Variants in STIP1 observed in about 807,000 individuals in gnomAD.
The protein encoded by STIP1 is stress-induced-phosphoprotein 1.
A neutral mutation model predicts 77.4 loss-of-function variants in STIP1; 16 were observed. The observed-to-expected ratio is 0.21, with a 90% CI of 0.14 to 0.31. The LOEUF (loss-of-function observed/expected upper bound fraction) is 0.31. Ranked by LOEUF, STIP1 falls within the 10% of genes least tolerant of loss-of-function variation. The pLI, the probability that STIP1 is intolerant of heterozygous loss-of-function variation, is 1.00. For missense variants in STIP1, 524 were observed against 684.8 expected, an observed-to-expected ratio of 0.77 and a Z score of 2.62; for synonymous variants, 258 against 246.6, an observed-to-expected ratio of 1.05 and a Z score of -0.44.
intron 1 of STIP1, among the ~76,000 whole-genome samples, chr11:64,188,618 C>T (rs1007443655): frequency 3.4e-4 from 51 of 152,172 alleles, no homozygotes; most frequent in African/African-American, 1.1e-3. Flanking sequence ...CTCAAGCAAT[C>T]CTCTAGCCTT....
At position 64,204,245 on chromosome 11, in the gene STIP1, T is replaced by C. The variant is rs1565285034; in HGVS notation, c.*119T>C. On this transcript the variant is annotated 3_prime_UTR_variant, in exon 14 of 14. Transcript: ENST00000305218. ...AGAAGGCCTCATCTCTCTATATTTA[T>C]ACATAACCCCGGGGAAGACACAGAG... The C allele has an allele frequency of 2.5e-5, 25 of 1,005,062 alleles. No individual in the cohort carries two copies. The highest frequency in any genetic ancestry group is 3.7e-5 in the Non-Finnish European group (25 of 675,714). The allele number at this position is 1,005,062 out of a possible 1,614,324, so 62.3% of individuals were successfully genotyped here. A position where few individuals can be genotyped will look rare whatever the true frequency, so the allele number is the denominator to read the frequency against.
At chr11:64,192,851 G>C (rs1946107656) in intron 1 of STIP1, among the ~76,000 whole-genome samples, 1 of 152,216 alleles carries the variant, frequency 6.6e-6, no homozygotes. Context: ...CGTCACATGG[G>C]GGCCAGCGTG....
chr11:64,186,329 GCCGCGGTA>G, intron 1 of STIP1, 59 bp downstream of exon 1: 2 of 502,152 alleles, frequency 4.0e-6, no homozygotes, highest in South Asian at 3.4e-5. Flanking sequence ...CGGTGGCCAG[GCCGCGGTA>G]GGGGGGCGGG....
At chr11:64,192,143 G>A (rs530496663) in intron 1 of STIP1, among the ~76,000 whole-genome samples, 10 of 152,244 alleles carry the variant, frequency 6.6e-5, no homozygotes, top group South Asian at 4.1e-4. Context: ...GTGAAACCCC[G>A]TCTCTACTAA....
chr11:64,190,736 TGTG>T (rs1380105095), intron 1 of STIP1, among the ~76,000 whole-genome samples: 1 of 152,206 alleles, frequency 6.6e-6, no homozygotes, highest in East Asian at 1.9e-4. Flanking sequence ...TTTGGCCTGG[TGTG>T]GTGGTTCACC....
At chr11:64,198,234 A>C (rs536972050) in intron 8 of STIP1, among the ~76,000 whole-genome samples, 3 of 149,498 alleles carry the variant, frequency 2.0e-5, no homozygotes, top group Admixed American at 2.0e-4. Context: ...TTTTTTTTTG[A>C]GATGGAGTCT....
intron 10 of STIP1, among the ~76,000 whole-genome samples, chr11:64,201,074 C>T (rs960441872): frequency 4.0e-5 from 6 of 150,968 alleles, no homozygotes; most frequent in African/African-American, 1.5e-4. Flanking sequence ...CTGGCTCTAT[C>T]GCCCAGGCTG....
At chr11:64,189,409 C>G (rs551732940) in intron 1 of STIP1, among the ~76,000 whole-genome samples, 5 of 152,248 alleles carry the variant, frequency 3.3e-5, no homozygotes, top group East Asian at 1.9e-4. Context: ...CGCCTGTGGT[C>G]CCAGCTACGT....
intron 1 of STIP1, among the ~76,000 whole-genome samples, chr11:64,186,673 C>T (rs528118946): frequency 6.6e-6 from 1 of 152,234 alleles, no homozygotes. Flanking sequence ...CGAGGTAGCC[C>T]TCCGGGAGAT....
intron 1 of STIP1, among the ~76,000 whole-genome samples, chr11:64,191,055 T>C (rs542625437): frequency 5.9e-5 from 9 of 152,068 alleles, no homozygotes; most frequent in Non-Finnish European, 1.0e-4. Context: ...GATGTGGTAG[T>C]GCGTGTCTGT....
intron 1 of STIP1, among the ~76,000 whole-genome samples, chr11:64,189,243 C>T (rs778137940): frequency 6.6e-6 from 1 of 152,172 alleles, no homozygotes; most frequent in African/African-American, 2.4e-5. Flanking sequence ...CGCCTGTAGT[C>T]CCGGCTACTT....
chr11:64,196,789 A>G, intron 5 of STIP1: 2 of 158,478 alleles, frequency 1.3e-5, no homozygotes, highest in South Asian at 1.8e-4. Flanking sequence ...AGCTGGAAAA[A>G]GGCCCTCCAG....
At position 64,204,181 on chromosome 11, in the gene STIP1, C is replaced by T. The variant is rs971176464; in HGVS notation, c.*55C>T. On this transcript the variant is annotated 3_prime_UTR_variant, in exon 14 of 14. Coordinates refer to ENST00000305218, the MANE Select transcript of STIP1 (RefSeq NM_006819.3). ...CTCATGTGGAAAGAGGAGCTGGGAC[C>T]GCGGCGAGCAGCACGGAGCGGAAGG... The T allele has an allele frequency of 2.3e-5, 36 of 1,588,108 alleles. No individual in the cohort carries two copies. The highest frequency in any genetic ancestry group is 2.7e-5 in the African/African-American group (2 of 74,332).
intron 4 of STIP1, among the ~76,000 whole-genome samples, chr11:64,195,177 G>A (rs1312084683): frequency 6.6e-6 from 1 of 152,100 alleles, no homozygotes; most frequent in East Asian, 1.9e-4. Flanking sequence ...GCAGTGGTGT[G>A]ATCTCAGTTC....
At chr11:64,191,433 CCA>C (rs924103564) in intron 1 of STIP1, among the ~76,000 whole-genome samples, 4 of 150,792 alleles carry the variant, frequency 2.7e-5, no homozygotes, top group African/African-American at 9.9e-5. Flanking sequence ...TGGTGAAACT[CCA>C]TCTCTACTAA....
At chr11:64,186,780 G>A (rs1398808641) in intron 1 of STIP1, among the ~76,000 whole-genome samples, 1 of 152,170 alleles carries the variant, frequency 6.6e-6, no homozygotes. Context: ...AGTAGCCGAG[G>A]ATCTTAGCAG....
At position 64,203,531 on chromosome 11, in the gene STIP1, A is replaced by G. The variant is rs138664508; in HGVS notation, c.1468A>G (p.Met490Val). ...DSPEDVKRRAMADPEVQQIMS... is the reference protein window; with the variant it reads ...DSPEDVKRRAVADPEVQQIMS... ...CCCCGAAGATGTGAAGCGACGAGCC[A>G]TGGCCGACCCTGAGGTGCAGCAGAT... is the stretch of plus-strand genomic sequence containing the variant. Residue 490 changes from methionine to valine, a missense_variant, in exon 13 of 14, where the codon ATG (methionine) becomes GTG (valine). Met to Val is a conservative substitution (Grantham distance 21). Coordinates refer to ENST00000305218, the MANE Select transcript of STIP1 (RefSeq NM_006819.3). The G allele has an allele frequency of 6.2e-7, 1 of 1,614,182 alleles. No individual in the cohort carries two copies. Among genetic ancestry groups the G allele is most frequent in the Non-Finnish European group, 8.5e-7 (1 of 1,180,026 alleles).
At chr11:64,196,673 G>A (rs1295661802) in intron 5 of STIP1, among the ~76,000 whole-genome samples, 1 of 152,148 alleles carries the variant, frequency 6.6e-6, no homozygotes, top group African/African-American at 2.4e-5. Flanking sequence ...AGAGCAGAAG[G>A]CATGTGCCTC....
At chr11:64,187,428 A>G (rs1946036221) in intron 1 of STIP1, among the ~76,000 whole-genome samples, 1 of 151,942 alleles carries the variant, frequency 6.6e-6, no homozygotes, top group South Asian at 2.1e-4. Flanking sequence ...GGGCCATAAA[A>G]CTAAGATCGC....
Sources: allele counts gnomAD v4.1 joint callset (sites outside exome capture counted in the v4.1 genomes callset), GRCh38; gene constraint gnomAD v4.1.1; transcripts MANE v1.5; gene names NCBI Gene and HGNC (gene_info 2026-07-23, HGNC 2026-07-21).